Variants in BLACAT1 observed in about 807,000 individuals in gnomAD.
The protein encoded by BLACAT1 is bladder cancer associated transcript 1.
At chr1:205,438,883 A>G (rs1261551273), downstream of BLACAT1, among the ~76,000 whole-genome samples, 1 of 152,186 alleles carries the variant, frequency 6.6e-6, no homozygotes, top group African/African-American at 2.4e-5. Flanking sequence ...AATCCCTGCC[A>G]AGGCCTGAGA....
intron 1 of BLACAT1, among the ~76,000 whole-genome samples, chr1:205,445,666 G>C (rs1467686268): frequency 6.6e-6 from 1 of 152,194 alleles, no homozygotes; most frequent in East Asian, 1.9e-4. Flanking sequence ...AGAGGTCAGA[G>C]CAGCAATAGT....
chr1:205,445,553 C>T (rs944819415), intron 1 of BLACAT1, among the ~76,000 whole-genome samples: 2 of 151,930 alleles, frequency 1.3e-5, no homozygotes, highest in African/African-American at 2.4e-5. Flanking sequence ...GACCAGCCAC[C>T]CTTGTATCTT....
At chr1:205,453,965 T>C (rs1666530464) in intron 1 of BLACAT1, among the ~76,000 whole-genome samples, 1 of 152,230 alleles carries the variant, frequency 6.6e-6, no homozygotes, top group Non-Finnish European at 1.5e-5. Context: ...CCACCCCTTT[T>C]CTTCCATGCC....
intron 1 of BLACAT1, among the ~76,000 whole-genome samples, chr1:205,453,243 T>C (rs1666519581): frequency 6.6e-6 from 1 of 152,184 alleles, no homozygotes; most frequent in African/African-American, 2.4e-5. Context: ...TTCATGAAGA[T>C]GGACCCAGCA....
chr1:205,448,306 C>G lies in BLACAT1; in HGVS notation c.-36-7244G>C, dbSNP rs1310804993. 3.8e-6 allele frequency: 2 copies of G among 530,786 alleles called. No homozygotes were observed. The highest frequency in any genetic ancestry group is 3.9e-5 in the Admixed American group (2 of 51,518). The allele number at this position is 530,786 out of a possible 1,614,324, so 32.9% of individuals were successfully genotyped here. A position where few individuals can be genotyped will look rare whatever the true frequency, so the allele number is the denominator to read the frequency against. On this transcript the variant is annotated intron_variant, in intron 1 of 1. Transcript: ENST00000629624. The surrounding 1 kb of genome is among the most constrained non-coding windows in gnomAD (Gnocchi z 4.7). ...AGGTGCAGCTGCGCAGGAGAAGGAG[C>G]TCGCCCCTCACTGTAGCCCATGGCT...
At chr1:205,447,500 G>A (rs1666413152) in intron 1 of BLACAT1, among the ~76,000 whole-genome samples, 1 of 152,152 alleles carries the variant, frequency 6.6e-6, no homozygotes, top group Non-Finnish European at 1.5e-5. Flanking sequence ...GGGGTACGAG[G>A]ATGCTTCCTC....
chr1:205,442,710 A>C (rs1294504580), intron 1 of BLACAT1, among the ~76,000 whole-genome samples: 2 of 152,186 alleles, frequency 1.3e-5, no homozygotes, highest in Admixed American at 1.3e-4. Context: ...CATCATTTAC[A>C]CACCCACTCT....
intron 1 of BLACAT1, among the ~76,000 whole-genome samples, chr1:205,455,183 G>A (rs1307044971): frequency 5.3e-5 from 8 of 152,108 alleles, no homozygotes; most frequent in Non-Finnish European, 1.2e-4. Context: ...TCCTAGCTCC[G>A]GCCTTTCTTA....
chr1:205,453,314 A>G (rs904540087), intron 1 of BLACAT1, among the ~76,000 whole-genome samples: 1 of 152,088 alleles, frequency 6.6e-6, no homozygotes, highest in Non-Finnish European at 1.5e-5. Context: ...TGCTACGGAG[A>G]AAGGCCACTA....
chr1:205,442,555 C>G (rs758330904), intron 1 of BLACAT1, among the ~76,000 whole-genome samples: 8 of 152,228 alleles, frequency 5.3e-5, no homozygotes, highest in Admixed American at 2.0e-4. Context: ...TCTCCCCTCC[C>G]TCAGCCTCTC....
At chr1:205,435,159 C>T (rs1195611582), downstream of BLACAT1, 1 of 152,234 alleles carries the variant, frequency 6.6e-6, no homozygotes, top group East Asian at 1.9e-4. Context: ...AGACCTGTCG[C>T]CAGGGTTGTG....
Position 205,449,479 on chromosome 1 carries a change from C to T in BLACAT1, c.-37+6438G>A, listed in dbSNP as rs569123188. Among the ~76,000 whole-genome samples, 128 of 152,216 alleles carry T rather than the reference C, an allele frequency of 8.4e-4. 2 individuals are homozygous for T. The highest frequency in any genetic ancestry group is 2.9e-4 in the Non-Finnish European group (20 of 67,998). On this transcript the variant is annotated intron_variant, in intron 1 of 1. Coordinates refer to ENST00000629624, the Ensembl canonical transcript of BLACAT1. ...GCTGCCTCTCCCACCCCAACTGTAC[C>T]CTCAGCCCCAGGGCAACACTTGCTG...
chr1:205,452,606 TAGAC>T, intron 1 of BLACAT1, among the ~76,000 whole-genome samples: 1 of 152,180 alleles, frequency 6.6e-6, no homozygotes. Context: ...GGAATTAAGT[TAGAC>T]AGATAAAACC....
intron 1 of BLACAT1, among the ~76,000 whole-genome samples, chr1:205,452,903 T>G (rs1666515204): frequency 6.6e-6 from 1 of 152,226 alleles, no homozygotes; most frequent in Admixed American, 6.5e-5. Context: ...AATGAATGAA[T>G]GAATGGCTGA....
downstream of BLACAT1, among the ~76,000 whole-genome samples, chr1:205,439,045 A>G (rs1666252462): frequency 6.6e-6 from 1 of 152,230 alleles, no homozygotes; most frequent in African/African-American, 2.4e-5. Context: ...CCTCTGCCAC[A>G]GAAGTGACTT....
At chr1:205,445,402 C>A (rs889536365) in intron 1 of BLACAT1, among the ~76,000 whole-genome samples, 2 of 152,226 alleles carry the variant, frequency 1.3e-5, no homozygotes, top group Non-Finnish European at 2.9e-5. Flanking sequence ...CTGGGAGAAG[C>A]CCGCATTCTC....
chr1:205,446,255 A>G (rs947755254), intron 1 of BLACAT1, among the ~76,000 whole-genome samples: 1 of 152,210 alleles, frequency 6.6e-6, no homozygotes, highest in African/African-American at 2.4e-5. Context: ...TAGAATGGAG[A>G]TCCACCTTTG....
chr1:205,437,037 C>G (rs571150893), downstream of BLACAT1: 1 of 152,692 alleles, frequency 6.5e-6, no homozygotes, highest in East Asian at 1.9e-4. Flanking sequence ...GGGGCTGTGG[C>G]TCTCCATCCA....
chr1:205,447,307 T>A (rs1420132200), intron 1 of BLACAT1, among the ~76,000 whole-genome samples: 1 of 152,140 alleles, frequency 6.6e-6, no homozygotes, highest in African/African-American at 2.4e-5. Flanking sequence ...TTAGTGCAGG[T>A]GAGGCGGTTA....
Sources: gnomAD v4.1 joint callset for allele counts (sites outside exome capture counted in the v4.1 genomes callset) on GRCh38, gnomAD v4.1.1 for gene constraint, Gnocchi (gnomAD v3.1) non-coding constraint, MANE v1.5 for transcripts, NCBI Gene and HGNC (gene_info 2026-07-23, HGNC 2026-07-21) for gene names.